Variants in PDZRN3 observed in about 807,000 individuals in gnomAD.
The protein encoded by PDZRN3 is PDZ domain containing ring finger 3.
PDZRN3 carries 38 observed loss-of-function variants against 85.7 expected under a neutral mutation model. The observed-to-expected ratio is 0.44, with a 90% CI of 0.34 to 0.58. PDZRN3 has a LOEUF of 0.58. Ranked by LOEUF, PDZRN3 falls within the 20% of genes least tolerant of loss-of-function variation. PDZRN3 has a pLI of 0.01. For missense variants in PDZRN3, 1,629 were observed against 1,506.4 expected (o/e 1.08, Z -1.35); for synonymous variants, 759 against 638.0 (o/e 1.19, Z -2.86).
intron 4 of PDZRN3, among the ~76,000 whole-genome samples, chr3:73,402,186 T>A (rs941874882): frequency 1.3e-5 from 2 of 152,188 alleles, no homozygotes; most frequent in African/African-American, 4.8e-5. Flanking sequence ...CCCCAGGGGA[T>A]AAGTCATGTC....
intron 3 of PDZRN3, among the ~76,000 whole-genome samples, chr3:73,560,296 T>C (rs940209979): frequency 3.3e-4 from 50 of 152,216 alleles, no homozygotes; most frequent in African/African-American, 1.2e-3. Flanking sequence ...CTTACCATTA[T>C]TACTGTCCCC....
chr3:73,460,824 C>T (rs913431751), intron 3 of PDZRN3, among the ~76,000 whole-genome samples: 1 of 151,838 alleles, frequency 6.6e-6, no homozygotes, highest in East Asian at 1.9e-4. Context: ...ATGGGAGTCT[C>T]GTTCTGTTGC....
rs1701330361 is a variant in PDZRN3, at chr3:73,384,908, C to A, written c.1658G>T (p.Gly553Val). Residue 553 changes from glycine (G) to valine (V), a missense_variant, in exon 10 of 10, where the codon GGG becomes GTG. Physicochemically the swap from Gly to Val is moderately radical, Grantham distance 109 (BLOSUM62 -3). Transcript: ENST00000263666. ...LQQKKHDEDG[G>V]TTDTATILSN... ...CAAGATGGTGGCTGTATCTGTGGTC[C>A]CACCGTCTTCGTCGTGCTTCTTCTG... 1.2e-6 allele frequency: 2 copies of A among 1,605,884 alleles called. No individual in the cohort carries two copies. The highest frequency in any genetic ancestry group is 3.4e-5 in the Admixed American group (2 of 59,266).
chr3:73,436,752 A>C (rs1702537532), intron 3 of PDZRN3, among the ~76,000 whole-genome samples: 1 of 152,118 alleles, frequency 6.6e-6, no homozygotes, highest in South Asian at 2.1e-4. Flanking sequence ...CACTCTTAAA[A>C]ATTACTGAGA....
In PDZRN3 at chr3:73,384,995, A is replaced by C; in HGVS notation, c.1636-65T>G. ...CCTGCGCAGCAGGTACTCAGGTTTG[A>C]CCTTTCCTTGCGGTTTCTGGATAGG... is the stretch of plus-strand genomic sequence containing the variant. On this transcript the variant is annotated intron_variant, in intron 9 of 9. Transcript: ENST00000263666. 2.0e-6 allele frequency: 3 copies of C among 1,523,516 alleles called. No individual in the cohort carries two copies. In the South Asian group the frequency reaches 4.0e-5, roughly 20 times the overall value. The allele number at this position is 1,523,516 out of a possible 1,614,324, so 94.4% of individuals were successfully genotyped here.
chr3:73,384,918 C>T lies in PDZRN3; in HGVS notation c.1648G>A (p.Glu550Lys), dbSNP rs1483409811. The change falls in exon 10 of 10, where the codon GAA becomes AAA. Residue 550 changes from glutamate to lysine, a missense_variant. Coordinates refer to ENST00000263666, the MANE Select transcript of PDZRN3 (RefSeq NM_015009.3). ...ASVLQQKKHDEDGGTTDTATI... is the reference protein window; with the variant it reads ...ASVLQQKKHDKDGGTTDTATI... ...GCTGTATCTGTGGTCCCACCGTCTT[C>T]GTCGTGCTTCTTCTGCATAAACACA... 8 of 1,600,076 alleles carry T rather than the reference C, an allele frequency of 5.0e-6. No individual in the cohort carries two copies. In the Admixed American group the frequency reaches 1.2e-4, roughly 24 times the overall value.
chr3:73,387,816 G>C, intron 8 of PDZRN3, 152 bp downstream of exon 8: 1 of 592,604 alleles, frequency 1.7e-6, no homozygotes, highest in Admixed American at 2.7e-5. Context: ...AACTCATAAA[G>C]TGAATTCTGA....
intron 3 of PDZRN3, among the ~76,000 whole-genome samples, chr3:73,472,923 A>G (rs1421198730): frequency 6.6e-6 from 1 of 152,220 alleles, no homozygotes; most frequent in African/African-American, 2.4e-5. Context: ...ATATGCATTC[A>G]AGATATACCA....
At chr3:73,468,248 T>C (rs1006348687) in intron 3 of PDZRN3, among the ~76,000 whole-genome samples, 8 of 152,008 alleles carry the variant, frequency 5.3e-5, no homozygotes, top group Non-Finnish European at 1.2e-4. Context: ...AGCCAAGAAA[T>C]GTGGGCAGCC....
intron 5 of PDZRN3, among the ~76,000 whole-genome samples, chr3:73,396,244 G>GCATCCC: frequency 6.6e-6 from 1 of 152,028 alleles, no homozygotes; most frequent in Admixed American, 6.6e-5. Context: ...GTAAATAATA[G>GCATCCC]TACTGGTGGC....
rs1205812171 is a variant in PDZRN3 at position 73,603,878 on chromosome 3, CACACACAT to C, written c.811-1425_811-1418del. 5.2e-3 allele frequency among the ~76,000 whole-genome samples: 406 copies of C among 78,204 alleles called. 3 individuals are homozygous for C. The highest frequency in any genetic ancestry group is 0.012 in the African/African-American group (378 of 30,762). 51.3% of individuals were successfully genotyped at this position (78,204 alleles called of 152,430 possible). A position where few individuals can be genotyped will look rare whatever the true frequency, so the allele number is the denominator to read the frequency against. On this transcript the variant is annotated intron_variant, in intron 2 of 9. Transcript: ENST00000263666. ...TTCTTCACACTTCCCCAAACACACA[CACACACAT>C]ACACACACACACACACACACACAGA...
intron 3 of PDZRN3, among the ~76,000 whole-genome samples, chr3:73,514,765 C>T (rs9813428): frequency 1 from 152,278 of 152,336 alleles, 76,110 homozygotes; most frequent in Middle Eastern, 1. Context: ...GAAATGAACA[C>T]AATCTTGAGC....
chr3:73,546,444 C>A (rs532950986), intron 3 of PDZRN3, among the ~76,000 whole-genome samples: 130 of 152,342 alleles, frequency 8.5e-4, no homozygotes, highest in Non-Finnish European at 1.7e-3. Flanking sequence ...GTCCTTAGAT[C>A]ATAAAAGTAC....
intron 3 of PDZRN3, among the ~76,000 whole-genome samples, chr3:73,504,988 T>C (rs1183222902): frequency 2.0e-5 from 3 of 152,220 alleles, no homozygotes; most frequent in Non-Finnish European, 4.4e-5. Context: ...AGGAAAAGGA[T>C]AGTCTCTGTA....
intron 3 of PDZRN3, among the ~76,000 whole-genome samples, chr3:73,449,623 C>T (rs921786447): frequency 6.6e-6 from 1 of 152,096 alleles, no homozygotes; most frequent in Non-Finnish European, 1.5e-5. Flanking sequence ...AAGCGAACAA[C>T]GCGTGTAAAA....
At chr3:73,511,610 A>T (rs569471489) in intron 3 of PDZRN3, among the ~76,000 whole-genome samples, 1 of 152,218 alleles carries the variant, frequency 6.6e-6, no homozygotes, top group Non-Finnish European at 1.5e-5. Context: ...AGATCTGGGG[A>T]TGGAGGCAGA....
At chr3:73,621,845 C>T (rs957196571) in intron 1 of PDZRN3, 3 of 152,168 alleles carry the variant, frequency 2.0e-5, no homozygotes, top group Non-Finnish European at 4.4e-5. Context: ...CTTTATGCTA[C>T]CCACTAACTC....
At chr3:73,518,119 A>G (rs1704286865) in intron 3 of PDZRN3, among the ~76,000 whole-genome samples, 1 of 152,248 alleles carries the variant, frequency 6.6e-6, no homozygotes. Flanking sequence ...GTGTTCATTT[A>G]GTGGATGAAT....
chr3:73,402,941 C>CTTTT lies in PDZRN3; in HGVS notation c.1166+1203_1166+1206dup, dbSNP rs140037400. Reference sequence around the variant, plus strand: ...GATGTGCAAAGTCACACATGAAAAGCTTTTTTTTTTTTTTTTTTTTGAGAC... The same window carrying CTTTT: ...GATGTGCAAAGTCACACATGAAAAGCTTTTTTTTTTTTTTTTTTTTTTTTGAGAC... On this transcript the variant is annotated intron_variant, in intron 4 of 9. Coordinates refer to ENST00000263666, the MANE Select transcript of PDZRN3 (RefSeq NM_015009.3). 3.6e-4 allele frequency among the ~76,000 whole-genome samples: 42 copies of CTTTT among 115,638 alleles called. 1 individual carries two copies. Among genetic ancestry groups the CTTTT allele is most frequent in the Middle Eastern group, 4.5e-3 (1 of 224 alleles). The allele number at this position is 115,638 out of a possible 152,430, so 75.9% of individuals were successfully genotyped here. A position where few individuals can be genotyped will look rare whatever the true frequency, so the allele number is the denominator to read the frequency against.
Sources: gnomAD v4.1 joint callset for allele counts (sites outside exome capture counted in the v4.1 genomes callset) on GRCh38, gnomAD v4.1.1 for gene constraint, MANE v1.5 for transcripts, NCBI Gene and HGNC (gene_info 2026-07-23, HGNC 2026-07-21) for gene names.